KIF11: variants seen among roughly 807,000 people sequenced by gnomAD.
KIF11 encodes kinesin family member 11, also known as kinesin-like protein KIF11.
KIF11 carries 9 observed loss-of-function variants against 121.0 expected under a neutral mutation model. That is an observed-to-expected ratio of 0.07 (90% CI 0.04 to 0.13). KIF11 has a LOEUF of 0.13. Ranked by LOEUF, KIF11 falls within the 10% of genes least tolerant of loss-of-function variation. The pLI is 1.00. For synonymous variants in KIF11, 408 were observed against 421.0 expected, an observed-to-expected ratio of 0.97 and a Z score of 0.38; for missense variants, 846 against 1,217.5, an observed-to-expected ratio of 0.69 and a Z score of 4.54.
chr10:92,619,831 A>G (rs1009308372), intron 9 of KIF11, among the ~76,000 whole-genome samples: 3 of 148,890 alleles, frequency 2.0e-5, no homozygotes, highest in African/African-American at 7.6e-5. Flanking sequence ...TATAACATAT[A>G]CATGTATATA....
chr10:92,620,881 G>T (rs1008203894), intron 9 of KIF11, among the ~76,000 whole-genome samples: 1 of 152,236 alleles, frequency 6.6e-6, no homozygotes, highest in Non-Finnish European at 1.5e-5. Flanking sequence ...CCCGCAACGC[G>T]TGGGAATTAT....
intron 11 of KIF11, 43 bp downstream of exon 11, chr10:92,628,938 TATTG>T (rs1285963614): frequency 9.5e-7 from 1 of 1,054,702 alleles, no homozygotes; most frequent in African/African-American, 1.6e-5. Context: ...GAAAAGCAAA[TATTG>T]AAAGAAAATT....
intron 10 of KIF11, among the ~76,000 whole-genome samples, chr10:92,625,045 A>G (rs1844658175): frequency 6.6e-6 from 1 of 152,076 alleles, no homozygotes; most frequent in Non-Finnish European, 1.5e-5. Context: ...GCTGGATTAC[A>G]GGTGTGAGCC....
At chr10:92,620,532 TCTC>T (rs980635058) in intron 9 of KIF11, among the ~76,000 whole-genome samples, 1 of 152,194 alleles carries the variant, frequency 6.6e-6, no homozygotes, top group African/African-American at 2.4e-5. Flanking sequence ...TTGTAGTTGT[TCTC>T]CTCACCGATG....
intron 1 of KIF11, among the ~76,000 whole-genome samples, chr10:92,605,726 TC>T (rs1844423669): frequency 6.6e-6 from 1 of 152,162 alleles, no homozygotes; most frequent in African/African-American, 2.4e-5. Context: ...CCTCAGGTGA[TC>T]CGCCTGCCTC....
intron 17 of KIF11, among the ~76,000 whole-genome samples, chr10:92,640,930 T>A (rs1464204672): frequency 1.3e-5 from 2 of 151,904 alleles, no homozygotes; most frequent in Non-Finnish European, 2.9e-5. Context: ...GTATTTTTAG[T>A]AGAGATGGGG....
chr10:92,596,524 G>A (rs11187087), intron 1 of KIF11, among the ~76,000 whole-genome samples: 22,620 of 148,096 alleles, frequency 0.15, 3,596 homozygotes, highest in African/African-American at 0.41. Context: ...CCTCACCAAC[G>A]TTTATTTTCT....
chr10:92,624,759 C>CTCTCTG (rs1554861186), intron 10 of KIF11, among the ~76,000 whole-genome samples: 2 of 148,140 alleles, frequency 1.4e-5, no homozygotes, highest in Non-Finnish European at 1.5e-5. Flanking sequence ...AATAGTATTT[C>CTCTCTG]TGTGTGTGTG....
At chr10:92,649,586 T>C (rs542183851) in intron 19 of KIF11, among the ~76,000 whole-genome samples, 8 of 152,264 alleles carry the variant, frequency 5.3e-5, no homozygotes, top group African/African-American at 1.9e-4. Context: ...CTTTTATATA[T>C]CCTCAGAGAT....
At chr10:92,641,442 G>C (rs2135921451) in intron 17 of KIF11, among the ~76,000 whole-genome samples, 1 of 152,266 alleles carries the variant, frequency 6.6e-6, no homozygotes. Context: ...TTCACTGGCT[G>C]TGGAATTCAG....
chr10:92,653,570 T>C lies in KIF11; in HGVS notation c.3040-95T>C, dbSNP rs747286368. ...TTGGTTTTCTACACTTAAGTTTTTT[T>C]GCCTATAACCCAGAGAACTTTGAAA... On this transcript the variant is annotated intron_variant, in intron 21 of 21. Transcript: ENST00000260731. 11 of 1,223,962 alleles carry C rather than the reference T, an allele frequency of 9.0e-6. No individual in the cohort carries two copies. In the Admixed American group the frequency reaches 2.2e-4, roughly 25 times the overall value. 75.8% of individuals were successfully genotyped at this position (1,223,962 alleles called of 1,614,324 possible).
Position 92,613,144 on chromosome 10 carries a change from T to C in KIF11, c.789+14T>C. On this transcript the variant is annotated intron_variant, in intron 7 of 21. Transcript: ENST00000260731. The surrounding 1 kb of genome is among the most constrained non-coding windows in gnomAD (Gnocchi z 4.2). ...AAGTTGAACTTGGTAAGCATCCACC[T>C]TAATACTACTGTTTCACTCTTAAAC... 1 of 1,568,396 alleles carries C rather than the reference T, an allele frequency of 6.4e-7. No homozygotes were observed. The highest frequency in any genetic ancestry group is 1.4e-5 in the African/African-American group (1 of 73,872).
chr10:92,603,556 G>A (rs1309323053), intron 1 of KIF11, among the ~76,000 whole-genome samples: 5 of 152,034 alleles, frequency 3.3e-5, no homozygotes, highest in Admixed American at 3.3e-4. Flanking sequence ...TCACCATATT[G>A]GCCAGGGCTA....
At chr10:92,626,569 A>G (rs1305187577) in intron 10 of KIF11, among the ~76,000 whole-genome samples, 1 of 152,198 alleles carries the variant, frequency 6.6e-6, no homozygotes, top group Non-Finnish European at 1.5e-5. Context: ...AAGAATCACA[A>G]AAACTACAGC....
intron 1 of KIF11, among the ~76,000 whole-genome samples, chr10:92,593,805 T>C (rs1844260538): frequency 6.6e-6 from 1 of 152,196 alleles, no homozygotes; most frequent in Non-Finnish European, 1.5e-5. Context: ...GTTGGTATTA[T>C]TACCTCTAAA....
chr10:92,613,592 A>G lies in KIF11; in HGVS notation c.1005A>G (p.Thr335=). The G allele has an allele frequency of 6.2e-7, 1 of 1,613,310 alleles. No homozygotes were observed. Among genetic ancestry groups the G allele is most frequent in the Non-Finnish European group, 8.5e-7 (1 of 1,179,602 alleles). The part of the protein sequence containing the change: ...GGRTRTSIIA[T]ISPASLNLEE... ...GTACAAGAACATCTATAATTGCAAC[A>G]ATTTCTCCTGCATCTCTCAATCTTG... is the stretch of plus-strand genomic sequence containing the variant. The change falls in exon 8 of 22, where the codon ACA becomes ACG. Residue 335 remains threonine (T), a synonymous_variant. Coordinates refer to ENST00000260731, the MANE Select transcript of KIF11 (RefSeq NM_004523.4). This position sits in a 1 kb window ranked among gnomAD's most constrained non-coding sequence, Gnocchi z 4.2.
At chr10:92,651,532 T>TAGTAGAGGGGG (rs1844983361) in intron 21 of KIF11, among the ~76,000 whole-genome samples, 1 of 111,756 alleles carries the variant, frequency 8.9e-6, no homozygotes, top group African/African-American at 3.6e-5. Flanking sequence ...TTTTTTTTTT[T>TAGTAGAGGGGG]TTTTTTTTTT....
rs1433486255 is a variant in KIF11, at chr10:92,603,383, G to C, written c.78-2882G>C. Among the ~76,000 whole-genome samples, 3 of 149,322 alleles carry C rather than the reference G, an allele frequency of 2.0e-5. No individual in the cohort carries two copies. In the East Asian group the frequency reaches 6.0e-4, roughly 30 times the overall value. Reference sequence around the variant, plus strand: ...GCCTCCCAAGTAGCTGGGACTGTAGGTGGCTGCCACCATGCCTGGCTAATT... The same window carrying C: ...GCCTCCCAAGTAGCTGGGACTGTAGCTGGCTGCCACCATGCCTGGCTAATT... On this transcript the variant is annotated intron_variant, in intron 1 of 21. Coordinates refer to ENST00000260731, the MANE Select transcript of KIF11 (RefSeq NM_004523.4).
intron 1 of KIF11, among the ~76,000 whole-genome samples, chr10:92,602,448 A>C (rs1366493758): frequency 1.3e-5 from 2 of 152,096 alleles, no homozygotes; most frequent in Admixed American, 1.3e-4. Context: ...TACTGGTTAT[A>C]GCTCCATTCA....
Sources: allele counts gnomAD v4.1 joint callset (sites outside exome capture counted in the v4.1 genomes callset), GRCh38; gene constraint gnomAD v4.1.1; non-coding constraint Gnocchi (gnomAD v3.1); transcripts MANE v1.5; gene names NCBI Gene and HGNC (gene_info 2026-07-23, HGNC 2026-07-21).